Variants in VRK1 observed in about 807,000 individuals in gnomAD.
VRK1 encodes VRK serine/threonine kinase 1.
Under a neutral mutation model 57.1 loss-of-function variants are expected in VRK1, and 33 were observed. That is an observed-to-expected ratio of 0.58 (90% CI 0.44 to 0.77). The LOEUF is 0.77. VRK1 is among the 30% of genes least tolerant of loss of function. The probability of loss-of-function intolerance (pLI) is 0.00; values close to 1 mark genes in which losing one functional copy is unlikely to be tolerated. For synonymous variants in VRK1, 137 were observed against 147.8 expected (o/e 0.93, Z 0.53); for missense variants, 413 against 477.3 (o/e 0.87, Z 1.25).
Position 96,849,412 on chromosome 14 carries a change from C to T in VRK1, c.374+2068C>T, listed in dbSNP as rs1887858466. Among the ~76,000 whole-genome samples the T allele has an allele frequency of 3.9e-5, 6 of 151,968 alleles. No individual in the cohort carries two copies. The South Asian group carries it at 1.3e-3, about 32-fold the overall frequency. On this transcript the variant is annotated intron_variant, in intron 5 of 12. Coordinates refer to ENST00000216639, the MANE Select transcript of VRK1 (RefSeq NM_003384.3). ...AGCATTTTTAGACTTGGAATAACAG[C>T]CTTTTCCTCTTTCCATAATTTGAGT...
intron 11 of VRK1, among the ~76,000 whole-genome samples, chr14:96,863,337 C>A (rs1052358772): frequency 6.6e-5 from 10 of 152,156 alleles, no homozygotes; most frequent in African/African-American, 2.4e-4. Context: ...TCAACAATTA[C>A]ATAAAAAGTC....
At chr14:96,812,295 C>T (rs1886235658) in intron 1 of VRK1, among the ~76,000 whole-genome samples, 1 of 152,106 alleles carries the variant, frequency 6.6e-6, no homozygotes, top group African/African-American at 2.4e-5. Context: ...CTTGAGTATA[C>T]CTAGGTAATT....
intron 11 of VRK1, among the ~76,000 whole-genome samples, chr14:96,868,959 C>G (rs896743832): frequency 1.3e-5 from 2 of 152,028 alleles, no homozygotes; most frequent in Non-Finnish European, 2.9e-5. Flanking sequence ...CCACGCCTGG[C>G]TAATTTTGCA....
intron 1 of VRK1, among the ~76,000 whole-genome samples, chr14:96,807,746 A>T (rs1885938544): frequency 6.6e-6 from 1 of 152,176 alleles, no homozygotes; most frequent in South Asian, 2.1e-4. Flanking sequence ...GGGTCCAACC[A>T]TGGGAGCTTA....
intron 1 of VRK1, among the ~76,000 whole-genome samples, chr14:96,809,577 T>C (rs559417906): frequency 2.6e-4 from 40 of 151,166 alleles, no homozygotes; most frequent in African/African-American, 8.5e-4. Flanking sequence ...TTTCTTTTTT[T>C]TTTTTTTTTT....
At chr14:96,824,698 G>T (rs1886733541) in intron 1 of VRK1, among the ~76,000 whole-genome samples, 1 of 148,314 alleles carries the variant, frequency 6.7e-6, no homozygotes, top group African/African-American at 2.5e-5. Context: ...CTGTCGCCCA[G>T]CCTGGAGTGC....
At chr14:96,856,826 G>C (rs1888176023) in intron 10 of VRK1, among the ~76,000 whole-genome samples, 1 of 152,158 alleles carries the variant, frequency 6.6e-6, no homozygotes, top group Admixed American at 6.5e-5. Context: ...AAATTAGCCA[G>C]GCGTGGTGAC....
At chr14:96,856,377 A>AGT in intron 9 of VRK1, 127 bp downstream of exon 9, 2 of 1,390,790 alleles carry the variant, frequency 1.4e-6, no homozygotes, top group African/African-American at 2.9e-5. Flanking sequence ...CTTGTTAAAC[A>AGT]GTAAGGTTCC....
intron 7 of VRK1, among the ~76,000 whole-genome samples, chr14:96,853,497 T>A (rs1167869389): frequency 6.6e-6 from 1 of 152,142 alleles, no homozygotes; most frequent in Non-Finnish European, 1.5e-5. Flanking sequence ...TCACTTTTTT[T>A]ATTCCTTTGT....
chr14:96,827,753 C>A (rs1459510946), intron 1 of VRK1, among the ~76,000 whole-genome samples: 1 of 152,106 alleles, frequency 6.6e-6, no homozygotes, highest in Non-Finnish European at 1.5e-5. Flanking sequence ...GTTACATTTT[C>A]TTGTTTTAAT....
chr14:96,799,766 A>C (rs1047233382), intron 1 of VRK1, among the ~76,000 whole-genome samples: 13 of 152,202 alleles, frequency 8.5e-5, no homozygotes, highest in African/African-American at 3.1e-4. Flanking sequence ...AATATTTTTC[A>C]GACTGGTAGG....
At chr14:96,845,321 A>G (rs1887638079) in intron 3 of VRK1, among the ~76,000 whole-genome samples, 1 of 152,230 alleles carries the variant, frequency 6.6e-6, no homozygotes, top group Non-Finnish European at 1.5e-5. Context: ...GAATTATAAG[A>G]TCTTTTCCAC....
chr14:96,812,060 C>A (rs1886226536), intron 1 of VRK1, among the ~76,000 whole-genome samples: 1 of 152,162 alleles, frequency 6.6e-6, no homozygotes, highest in Admixed American at 6.6e-5. Flanking sequence ...TGTTTTGTGA[C>A]CAGTTTCTTA....
At chr14:96,833,417 A>T in intron 1 of VRK1, 50 bp from the exon 2 acceptor site, 1 of 1,607,224 alleles carries the variant, frequency 6.2e-7, no homozygotes, top group South Asian at 1.1e-5. Context: ...AAAATGTTTT[A>T]AACACTTCTA....
At chr14:96,834,761 G>T (rs1270931783) in intron 2 of VRK1, among the ~76,000 whole-genome samples, 1 of 152,118 alleles carries the variant, frequency 6.6e-6, no homozygotes, top group Non-Finnish European at 1.5e-5. Flanking sequence ...ACCCATTCCA[G>T]TGAACTAGGC....
At chr14:96,831,206 T>TA (rs1886991361) in intron 1 of VRK1, among the ~76,000 whole-genome samples, 1 of 152,212 alleles carries the variant, frequency 6.6e-6, no homozygotes, top group Non-Finnish European at 1.5e-5. Flanking sequence ...ACACAGATCT[T>TA]ACTGCTGTTT....
At chr14:96,834,914 T>C (rs879799833) in intron 2 of VRK1, among the ~76,000 whole-genome samples, 2 of 152,226 alleles carry the variant, frequency 1.3e-5, no homozygotes, top group East Asian at 1.9e-4. Flanking sequence ...TGTGGACTTA[T>C]GCCATCCTGT....
At chr14:96,801,852 T>C (rs1306088946) in intron 1 of VRK1, among the ~76,000 whole-genome samples, 3 of 152,174 alleles carry the variant, frequency 2.0e-5, no homozygotes, top group Non-Finnish European at 4.4e-5. Flanking sequence ...GTCTTGGTGT[T>C]GAGTAGGCTC....
At chr14:96,815,618 T>C in intron 1 of VRK1, among the ~76,000 whole-genome samples, 1 of 152,010 alleles carries the variant, frequency 6.6e-6, no homozygotes, top group East Asian at 1.9e-4. Flanking sequence ...GTGCGGTGGT[T>C]CGTGCCTGTA....
Sources: allele counts gnomAD v4.1 joint callset (sites outside exome capture counted in the v4.1 genomes callset), GRCh38; gene constraint gnomAD v4.1.1; transcripts MANE v1.5; gene names NCBI Gene and HGNC (gene_info 2026-07-23, HGNC 2026-07-21).